FAM184A: variants seen among roughly 807,000 people sequenced by gnomAD.
The protein encoded by FAM184A is family with sequence similarity 184 member A, also known as protein FAM184A.
FAM184A carries 99 observed loss-of-function variants against 143.8 expected under a neutral mutation model. The ratio of observed to expected loss-of-function variants is 0.69; its 90% CI spans 0.58 to 0.81. FAM184A has a LOEUF of 0.81. Ranked by LOEUF, FAM184A falls within the 40% of genes least tolerant of loss-of-function variation. The probability of loss-of-function intolerance (pLI) is 0.00; values close to 1 mark genes in which losing one functional copy is unlikely to be tolerated. For missense variants in FAM184A, 1,217 were observed against 1,310.5 expected (o/e 0.93, Z 1.10); for synonymous variants, 427 against 446.4 (o/e 0.96, Z 0.55).
At chr6:119,106,546 T>A (rs1327286808) in intron 1 of FAM184A, among the ~76,000 whole-genome samples, 1 of 152,384 alleles carries the variant, frequency 6.6e-6, no homozygotes, top group East Asian at 1.9e-4. Context: ...AACTACTGGC[T>A]ATGCCATCAG....
intron 14 of FAM184A, among the ~76,000 whole-genome samples, chr6:118,967,499 C>T (rs1389003145): frequency 1.3e-5 from 2 of 151,934 alleles, no homozygotes; most frequent in Non-Finnish European, 1.5e-5. Flanking sequence ...TCAGCCAATA[C>T]ATACAAACTG....
intron 1 of FAM184A, among the ~76,000 whole-genome samples, chr6:119,139,272 A>G (rs1390147025): frequency 6.6e-6 from 1 of 152,224 alleles, no homozygotes; most frequent in African/African-American, 2.4e-5. Context: ...GAGTTTCAAA[A>G]GAAGCCCAGA....
rs139300562 is a variant in FAM184A, at chr6:119,108,752, T to G, written c.-202+40326A>C. Among the ~76,000 whole-genome samples the G allele has an allele frequency of 8.5e-5, 13 of 152,214 alleles. No homozygotes were observed. In the East Asian group the frequency reaches 2.5e-3, roughly 29 times the overall value. ...GAGCTGCTGGCTCAGGAGCTGACAC[T>G]CAGTACAAGCTTGGGTACCTGGGAT... On this transcript the variant is annotated intron_variant, in intron 1 of 16. Transcript: ENST00000352896.
At chr6:119,107,816 A>AGAG (rs1788828885) in intron 1 of FAM184A, among the ~76,000 whole-genome samples, 1 of 151,086 alleles carries the variant, frequency 6.6e-6, no homozygotes, top group Non-Finnish European at 1.5e-5. Flanking sequence ...AACAGAGTTC[A>AGAG]GAGTTCATTG....
chr6:119,048,351 T>A lies in FAM184A; in HGVS notation c.160-23538A>T, dbSNP rs4343954. Among the ~76,000 whole-genome samples, 576 of 152,290 alleles carry A rather than the reference T, an allele frequency of 3.8e-3. 9 individuals are homozygous for A. In the East Asian group the frequency reaches 0.039, roughly 10 times the overall value. On this transcript the variant is annotated intron_variant, in intron 1 of 17. Transcript: ENST00000338891. Reference sequence around the variant, plus strand: ...AGGATGCCCTCTCTCACCACTCTTATTCAACACAGAATTGGAAGTCTTAGC... The same window carrying A: ...AGGATGCCCTCTCTCACCACTCTTAATCAACACAGAATTGGAAGTCTTAGC...
chr6:119,021,799 G>A (rs1785455210), intron 3 of FAM184A, among the ~76,000 whole-genome samples: 1 of 151,986 alleles, frequency 6.6e-6, no homozygotes, highest in Non-Finnish European at 1.5e-5. Context: ...AACATGGCAA[G>A]ACCCCGTCTT....
chr6:119,084,079 GAGAGAGAGAGAGAA>G (rs1788146566), intron 1 of FAM184A, among the ~76,000 whole-genome samples: 2 of 147,548 alleles, frequency 1.4e-5, no homozygotes, highest in Admixed American at 1.3e-4. Context: ...TGTGGCAGGA[GAGAGAGAGAGAGAA>G]AGAGAGAGAG....
intron 1 of FAM184A, among the ~76,000 whole-genome samples, chr6:119,040,334 A>G (rs947100285): frequency 6.6e-6 from 1 of 152,168 alleles, no homozygotes; most frequent in African/African-American, 2.4e-5. Flanking sequence ...TCCTAGTGGT[A>G]AGAGATTTCT....
intron 1 of FAM184A, among the ~76,000 whole-genome samples, chr6:119,140,633 C>T (rs1772197518): frequency 6.6e-6 from 1 of 152,332 alleles, no homozygotes; most frequent in African/African-American, 2.4e-5. Flanking sequence ...AATCTGGTTC[C>T]CTCGCCTTCC....
At chr6:119,034,037 TATATAGAGAGAGAGAGAGAG>T (rs1293110772) in intron 1 of FAM184A, among the ~76,000 whole-genome samples, 2 of 42,086 alleles carry the variant, frequency 4.8e-5, no homozygotes, top group Admixed American at 4.5e-4. Context: ...TATATATATA[TATATAGAGAGAGAGAGAGAG>T]AGAGAGAGAG....
intron 8 of FAM184A, among the ~76,000 whole-genome samples, 158 bp downstream of exon 8, chr6:119,003,343 C>T (rs73523361): frequency 0.024 from 3,629 of 152,178 alleles, 170 homozygotes; most frequent in African/African-American, 0.083. Context: ...AATCTGAATT[C>T]AAACGGAAAA....
In FAM184A at chr6:118,959,983, G is replaced by T; in HGVS notation, c.*120C>A. ...AGGAAATACAGTGCATTTTCAAGTT[G>T]GAGAGACAAATACTTTCTCATTCAC... On this transcript the variant is annotated 3_prime_UTR_variant, in exon 18 of 18. Coordinates refer to ENST00000338891, the MANE Select transcript of FAM184A (RefSeq NM_024581.6). The T allele has an allele frequency of 1.5e-6, 1 of 662,672 alleles. No homozygotes were observed. Among genetic ancestry groups the T allele is most frequent in the Non-Finnish European group, 2.5e-6 (1 of 403,776 alleles). 41.0% of individuals were successfully genotyped at this position (662,672 alleles called of 1,614,324 possible). A position where few individuals can be genotyped will look rare whatever the true frequency, so the allele number is the denominator to read the frequency against.
chr6:119,019,375 A>C (rs1785369038), intron 4 of FAM184A, among the ~76,000 whole-genome samples: 1 of 152,212 alleles, frequency 6.6e-6, no homozygotes, highest in Non-Finnish European at 1.5e-5. Flanking sequence ...AGAGGACTGC[A>C]CCAGGTTAAG....
At chr6:119,135,768 A>C (rs1467653880) in intron 1 of FAM184A, among the ~76,000 whole-genome samples, 1 of 152,218 alleles carries the variant, frequency 6.6e-6, no homozygotes, top group Admixed American at 6.5e-5. Context: ...TCCATACTTC[A>C]CGCAAAAGAA....
At chr6:119,011,658 T>C (rs1045607401) in intron 5 of FAM184A, among the ~76,000 whole-genome samples, 2 of 152,184 alleles carry the variant, frequency 1.3e-5, no homozygotes, top group African/African-American at 4.8e-5. Context: ...GGTGAGAACA[T>C]GTGACTGGAC....
chr6:119,017,237 G>A (rs1016220246), intron 4 of FAM184A, among the ~76,000 whole-genome samples: 6 of 152,202 alleles, frequency 3.9e-5, no homozygotes, highest in South Asian at 2.1e-4. Flanking sequence ...AGTGGCTCAC[G>A]CCTGTAATCC....
chr6:119,001,028 G>A (rs759372076), intron 9 of FAM184A, among the ~76,000 whole-genome samples: 7 of 150,594 alleles, frequency 4.6e-5, no homozygotes, highest in Admixed American at 6.7e-5. Flanking sequence ...CCATCCAAAG[G>A]AGTCGAGACA....
At chr6:119,013,474 CAG>C (rs1399743122) in intron 5 of FAM184A, among the ~76,000 whole-genome samples, 1 of 152,120 alleles carries the variant, frequency 6.6e-6, no homozygotes, top group East Asian at 1.9e-4. Flanking sequence ...AGCTAGGAAA[CAG>C]AGTACAGAAG....
intron 1 of FAM184A, among the ~76,000 whole-genome samples, chr6:119,138,374 A>G (rs2114886560): frequency 6.6e-6 from 1 of 152,364 alleles, no homozygotes; most frequent in East Asian, 1.9e-4. Flanking sequence ...TCTAGGGGTC[A>G]GAAGTCCAAA....
Sources: gnomAD v4.1 joint callset for allele counts (sites outside exome capture counted in the v4.1 genomes callset) on GRCh38, gnomAD v4.1.1 for gene constraint, MANE v1.5 for transcripts, NCBI Gene and HGNC (gene_info 2026-07-23, HGNC 2026-07-21) for gene names.